GLDC: variants seen among roughly 807,000 people sequenced by gnomAD.
The protein encoded by GLDC is glycine dehydrogenase (decarboxylating), mitochondrial.
Under a neutral mutation model 121.3 loss-of-function variants are expected in GLDC, and 104 were observed. That is an observed-to-expected ratio of 0.86 (90% confidence interval 0.73 to 1.01). The LOEUF is 1.01. Among genes scored for constraint, GLDC ranks in the 50% least tolerant of loss-of-function variants. The pLI is 0.00. For synonymous variants in GLDC, 546 were observed against 480.6 expected, an observed-to-expected ratio of 1.14 and a Z score of -1.78; for missense variants, 1,429 against 1,306.6, an observed-to-expected ratio of 1.09 and a Z score of -1.44.
chr9:6,614,718 A>G (rs1348520448), intron 3 of GLDC, among the ~76,000 whole-genome samples: 2 of 152,110 alleles, frequency 1.3e-5, no homozygotes, highest in South Asian at 2.1e-4. Context: ...ACAGTCATGC[A>G]TGGCTTAACA....
intron 14 of GLDC, among the ~76,000 whole-genome samples, chr9:6,587,532 T>C (rs1324792170): frequency 1.3e-5 from 2 of 152,204 alleles, no homozygotes; most frequent in South Asian, 4.1e-4. Flanking sequence ...TTGCTAACTT[T>C]TCAGGGAAGA....
chr9:6,536,364 A>C, intron 22 of GLDC, 128 bp from the exon 23 acceptor site: 1 of 827,928 alleles, frequency 1.2e-6, no homozygotes, highest in Non-Finnish European at 2.0e-6. Flanking sequence ...AAATGTATGT[A>C]TGTGGGGACT....
chr9:6,565,806 G>C (rs1817844434), intron 15 of GLDC: 1 of 462,696 alleles, frequency 2.2e-6, no homozygotes, highest in East Asian at 3.8e-5. Context: ...TAACAATTTG[G>C]TTTACGGTCA....
intron 15 of GLDC, among the ~76,000 whole-genome samples, chr9:6,576,463 TTTC>T (rs895260035): frequency 6.6e-5 from 10 of 152,232 alleles, no homozygotes; most frequent in East Asian, 1.9e-4. Flanking sequence ...AATTTATTTT[TTTC>T]TTCTTCTTAT....
At chr9:6,569,758 C>T (rs1339473059) in intron 15 of GLDC, among the ~76,000 whole-genome samples, 4 of 151,876 alleles carry the variant, frequency 2.6e-5, no homozygotes, top group African/African-American at 9.7e-5. Context: ...AGCGGATTAC[C>T]TGCAGTTAGA....
intron 21 of GLDC, among the ~76,000 whole-genome samples, chr9:6,546,943 C>T (rs984857727): frequency 6.6e-6 from 1 of 151,802 alleles, no homozygotes; most frequent in South Asian, 2.1e-4. Context: ...ACCTGGGTGA[C>T]CAAGCGAGAC....
intron 2 of GLDC, among the ~76,000 whole-genome samples, chr9:6,629,220 C>G (rs1270648596): frequency 8.7e-6 from 1 of 114,964 alleles, no homozygotes; most frequent in Non-Finnish European, 1.7e-5. Context: ...GTTAAATATT[C>G]ATTTTTTTTT....
In GLDC at chr9:6,629,958, T is replaced by TATATA; in HGVS notation, c.335-9640_335-9639insTATAT. Among the ~76,000 whole-genome samples, 57 of 78,602 alleles carry TATATA rather than the reference T, an allele frequency of 7.3e-4. 1 individual carries two copies. The highest frequency in any genetic ancestry group is 1.5e-3 in the East Asian group (4 of 2,676). The allele number at this position is 78,602 out of a possible 152,430, so 51.6% of individuals were successfully genotyped here. A position where few individuals can be genotyped will look rare whatever the true frequency, so the allele number is the denominator to read the frequency against. On this transcript the variant is annotated intron_variant, in intron 2 of 24. Coordinates refer to ENST00000321612, the MANE Select transcript of GLDC (RefSeq NM_000170.3). ...ATATATATATATGTATATATATATA[T>TATATA]TTTTTTTTTTTAAGAGAGACAAGGT...
At chr9:6,547,985 T>A (rs761420568) in intron 21 of GLDC, among the ~76,000 whole-genome samples, 91 of 151,918 alleles carry the variant, frequency 6.0e-4, no homozygotes, top group Non-Finnish European at 7.8e-4. Flanking sequence ...TATATATAAA[T>A]AAATTAGCCA....
intron 2 of GLDC, among the ~76,000 whole-genome samples, chr9:6,632,543 G>A (rs1025720): frequency 0.22 from 32,992 of 152,160 alleles, 3,661 homozygotes; most frequent in South Asian, 0.3. Flanking sequence ...AAAGTTATCC[G>A]TACATCGTAT....
intron 11 of GLDC, 185 bp downstream of exon 11, chr9:6,591,958 G>C (rs1034922007): frequency 3.2e-6 from 2 of 628,476 alleles, no homozygotes; most frequent in Non-Finnish European, 5.8e-6. Context: ...ATACTGGCTG[G>C]AGCCCTACAG....
intron 15 of GLDC, among the ~76,000 whole-genome samples, chr9:6,580,927 A>G (rs1167110994): frequency 6.6e-6 from 1 of 152,218 alleles, no homozygotes; most frequent in East Asian, 1.9e-4. Flanking sequence ...AGACAGGATC[A>G]TTGTGCTGCT....
intron 3 of GLDC, among the ~76,000 whole-genome samples, chr9:6,617,029 G>C (rs1055908487): frequency 6.6e-6 from 1 of 152,188 alleles, no homozygotes; most frequent in Non-Finnish European, 1.5e-5. Flanking sequence ...TAGACCTGAT[G>C]TAAATTTTCT....
chr9:6,540,803 A>C (rs1817241412), intron 21 of GLDC: 1 of 152,544 alleles, frequency 6.6e-6, no homozygotes, highest in South Asian at 2.1e-4. Flanking sequence ...TCTACCAATG[A>C]CATATCCCTT....
At chr9:6,558,436 G>A (rs1817679952) in intron 17 of GLDC, 123 bp downstream of exon 17, 5 of 1,149,822 alleles carry the variant, frequency 4.3e-6, no homozygotes, top group Admixed American at 1.7e-5. Context: ...TCTGGTCAAA[G>A]GAAGAACTGC....
chr9:6,586,993 CT>C, intron 15 of GLDC, 147 bp downstream of exon 15: 1 of 721,542 alleles, frequency 1.4e-6, no homozygotes, highest in Non-Finnish European at 2.5e-6. Flanking sequence ...CACGATGCAC[CT>C]TCTAGCCATG....
intron 16 of GLDC, among the ~76,000 whole-genome samples, chr9:6,564,739 G>A (rs1174932216): frequency 1.3e-5 from 2 of 152,192 alleles, no homozygotes; most frequent in Non-Finnish European, 1.5e-5. Context: ...TGGGGGGAGC[G>A]AGTGGTGTCC....
chr9:6,587,368 G>GA (rs1818292341), intron 14 of GLDC, 85 bp from the exon 15 acceptor site: 2 of 1,031,506 alleles, frequency 1.9e-6, no homozygotes, highest in Non-Finnish European at 3.0e-6. Context: ...ACGATGATGA[G>GA]AAAAGCTATG....
At chr9:6,577,721 A>G (rs1018144025) in intron 15 of GLDC, among the ~76,000 whole-genome samples, 2 of 152,008 alleles carry the variant, frequency 1.3e-5, no homozygotes, top group African/African-American at 4.8e-5. Flanking sequence ...ACGCAGTTTT[A>G]CGCAGCTAAC....
Sources: allele counts gnomAD v4.1 joint callset (sites outside exome capture counted in the v4.1 genomes callset), GRCh38; gene constraint gnomAD v4.1.1; transcripts MANE v1.5; gene names NCBI Gene and HGNC (gene_info 2026-07-23, HGNC 2026-07-21).